Variants in DPP6 observed in about 807,000 individuals in gnomAD.
DPP6 encodes the protein dipeptidyl peptidase like 6.
Under a neutral mutation model 122.6 loss-of-function variants are expected in DPP6, and 69 were observed. That is an observed-to-expected ratio of 0.56 (90% confidence interval 0.46 to 0.69). The LOEUF (loss-of-function observed/expected upper bound fraction) is 0.69. Ranked by LOEUF, DPP6 falls within the 30% of genes least tolerant of loss-of-function variation. The probability of loss-of-function intolerance (pLI) is 0.00; values close to 1 mark genes in which losing one functional copy is unlikely to be tolerated. For missense variants in DPP6, 928 were observed against 1,116.9 expected (o/e 0.83, Z 2.41); for synonymous variants, 418 against 433.1 (o/e 0.97, Z 0.43).
At chr7:154,542,009 A>G (rs1227380622) in intron 4 of DPP6, among the ~76,000 whole-genome samples, 1 of 152,164 alleles carries the variant, frequency 6.6e-6, no homozygotes. Context: ...CTCCTAAAGA[A>G]CATGTAACTT....
At chr7:154,037,655 CCTAT>C (rs1799604650) in intron 1 of DPP6, among the ~76,000 whole-genome samples, 1 of 112,636 alleles carries the variant, frequency 8.9e-6, no homozygotes, top group South Asian at 3.3e-4. Context: ...AAGAGGTTTT[CCTAT>C]CTATCCCAAG....
intron 1 of DPP6, among the ~76,000 whole-genome samples, chr7:153,996,320 T>C (rs1414005594): frequency 1.3e-5 from 2 of 152,234 alleles, no homozygotes; most frequent in Non-Finnish European, 2.9e-5. Context: ...AAATTATTAT[T>C]TCTTGGAGGT....
At chr7:154,399,817 A>G (rs531216813) in intron 1 of DPP6, among the ~76,000 whole-genome samples, 1 of 152,314 alleles carries the variant, frequency 6.6e-6, no homozygotes, top group South Asian at 2.1e-4. Flanking sequence ...CTAAGAAAGG[A>G]TATCATTTCT....
At chr7:153,846,933 C>T in the DPP6 span, among the ~76,000 whole-genome samples, 48 of 152,008 alleles carry the variant, frequency 3.2e-4, 1 homozygote, top group Middle Eastern at 3.4e-3. Flanking sequence ...GTGATCCGCC[C>T]GCCTCGGCCT....
intron 3 of DPP6, among the ~76,000 whole-genome samples, chr7:154,499,682 C>T (rs536196374): frequency 2.0e-5 from 3 of 152,150 alleles, no homozygotes; most frequent in Admixed American, 6.5e-5. Context: ...TATGAAACCT[C>T]ACCCTTAGCT....
intron 1 of DPP6, among the ~76,000 whole-genome samples, chr7:154,072,946 C>T (rs370589120): frequency 6.6e-5 from 10 of 152,226 alleles, no homozygotes; most frequent in Non-Finnish European, 1.2e-4. Context: ...CACACGCTCA[C>T]GCAGTTCCTG....
rs190548245 is a variant in DPP6, at chr7:154,597,474, G to A, written c.627+30558G>A. The stretch of plus-strand genomic sequence containing the variant: ...AAAAAATACAAAAAGTTAGCCAGGC[G>A]TGGTGGCAGGCACCTGTAGTCCCAG... On this transcript the variant is annotated intron_variant, in intron 5 of 25. Coordinates refer to ENST00000377770, the MANE Select transcript of DPP6 (RefSeq NM_130797.4). 3.9e-5 allele frequency among the ~76,000 whole-genome samples: 6 copies of A among 152,102 alleles called. No individual in the cohort carries two copies. The East Asian group carries it at 5.8e-4, about 15-fold the overall frequency.
At chr7:153,865,282 A>C in the DPP6 span, among the ~76,000 whole-genome samples, 2 of 152,308 alleles carry the variant, frequency 1.3e-5, no homozygotes, top group South Asian at 4.2e-4. Flanking sequence ...CAGAAAAGTA[A>C]GGTTACTCAT....
intron 1 of DPP6, among the ~76,000 whole-genome samples, chr7:154,031,129 CCTT>C (rs568866658): frequency 1.1e-4 from 17 of 152,156 alleles, no homozygotes; most frequent in South Asian, 4.2e-4. Context: ...GAATACAATC[CCTT>C]CTTCTTCACA....
At chr7:154,396,597 C>G (rs1586155818) in intron 1 of DPP6, among the ~76,000 whole-genome samples, 1 of 152,106 alleles carries the variant, frequency 6.6e-6, no homozygotes, top group East Asian at 1.9e-4. Flanking sequence ...ATTAAAGGAG[C>G]CTGGAGCACA....
At chr7:154,855,383 C>T (rs963745222) in intron 17 of DPP6, among the ~76,000 whole-genome samples, 13 of 152,106 alleles carry the variant, frequency 8.5e-5, no homozygotes, top group Admixed American at 5.2e-4. Context: ...TCAGAATGGC[C>T]GTTGGAGGGA....
chr7:154,167,060 C>G (rs959892441), intron 1 of DPP6, among the ~76,000 whole-genome samples: 2 of 148,504 alleles, frequency 1.3e-5, no homozygotes, highest in Non-Finnish European at 2.9e-5. Context: ...GGAAATCTTT[C>G]CATGCACCCC....
chr7:154,737,454 T>C (rs1842621571), intron 8 of DPP6, among the ~76,000 whole-genome samples: 1 of 152,236 alleles, frequency 6.6e-6, no homozygotes, highest in African/African-American at 2.4e-5. Context: ...TGATATGCTG[T>C]ATTTTTTATT....
At chr7:154,428,367 A>C (rs1277436629) in intron 1 of DPP6, among the ~76,000 whole-genome samples, 1 of 152,208 alleles carries the variant, frequency 6.6e-6, no homozygotes, top group East Asian at 1.9e-4. Context: ...AGAGTGATTG[A>C]AGTATTCAGA....
chr7:154,507,213 A>G (rs1473039846), intron 3 of DPP6, among the ~76,000 whole-genome samples: 1 of 152,200 alleles, frequency 6.6e-6, no homozygotes, highest in Non-Finnish European at 1.5e-5. Flanking sequence ...GAAGAAATGA[A>G]CATTAGTGCA....
At chr7:154,683,396 A>G (rs1839404703) in intron 7 of DPP6, among the ~76,000 whole-genome samples, 2 of 152,136 alleles carry the variant, frequency 1.3e-5, no homozygotes, top group Admixed American at 1.3e-4. Context: ...CAGGTCAGCC[A>G]AATTCTTGAC....
At chr7:154,640,145 A>G (rs1835977702) in intron 6 of DPP6, among the ~76,000 whole-genome samples, 1 of 152,130 alleles carries the variant, frequency 6.6e-6, no homozygotes, top group African/African-American at 2.4e-5. Context: ...CCAGCTACTC[A>G]GGAGGCTGAG....
chr7:154,413,356 T>C (rs1348471876), intron 1 of DPP6, among the ~76,000 whole-genome samples: 1 of 152,264 alleles, frequency 6.6e-6, no homozygotes, highest in East Asian at 1.9e-4. Flanking sequence ...TATGGATCTT[T>C]GCATATTGCA....
the DPP6 span, among the ~76,000 whole-genome samples, chr7:153,870,344 T>G: frequency 6.6e-6 from 1 of 152,182 alleles, no homozygotes; most frequent in African/African-American, 2.4e-5. Context: ...GAGGACTTGT[T>G]TGTTTCTTTT....
Sources: allele counts gnomAD v4.1 joint callset (sites outside exome capture counted in the v4.1 genomes callset), GRCh38; gene constraint gnomAD v4.1.1; transcripts MANE v1.5; gene names NCBI Gene and HGNC (gene_info 2026-07-23, HGNC 2026-07-21).